Variants in PLD5 observed in about 807,000 individuals in gnomAD.
PLD5 encodes the protein inactive phospholipase D5.
Under a neutral mutation model 61.1 loss-of-function variants are expected in PLD5, and 36 were observed. The ratio of observed to expected loss-of-function variants is 0.59; its 90% CI spans 0.45 to 0.78. The LOEUF (loss-of-function observed/expected upper bound fraction) is 0.78, where lower values mean the gene tolerates loss of function less well. PLD5 is among the 30% of genes least tolerant of loss of function. The probability of loss-of-function intolerance (pLI) is 0.00; values close to 1 mark genes in which losing one functional copy is unlikely to be tolerated. For missense variants in PLD5, 515 were observed against 644.4 expected, an observed-to-expected ratio of 0.80 and a Z score of 2.17; for synonymous variants, 243 against 242.8, an observed-to-expected ratio of 1.00 and a Z score of -0.01.
chr1:242,434,200 C>T (rs925300424), intron 1 of PLD5, among the ~76,000 whole-genome samples: 1 of 152,146 alleles, frequency 6.6e-6, no homozygotes, highest in Non-Finnish European at 1.5e-5. Context: ...CATGGACCAG[C>T]GTCGGTAGAA....
intron 4 of PLD5, among the ~76,000 whole-genome samples, chr1:242,252,267 T>C (rs921882960): frequency 6.6e-6 from 1 of 152,234 alleles, no homozygotes; most frequent in Middle Eastern, 3.2e-3. Flanking sequence ...GCATCTTAAC[T>C]CACACCAGTT....
Position 242,519,559 on chromosome 1 carries a change from G to A in PLD5, c.189+4529C>T, listed in dbSNP as rs191887189. 1.8e-3 allele frequency among the ~76,000 whole-genome samples: 280 copies of A among 152,286 alleles called. 1 individual carries two copies. The highest frequency in any genetic ancestry group is 5.7e-3 in the African/African-American group (239 of 41,566). On this transcript the variant is annotated intron_variant, in intron 1 of 9. Coordinates refer to ENST00000536534, the MANE Select transcript of PLD5 (RefSeq NM_001372062.1). ...AATGGGCTTTCTGAGACATCCTGCCGATAAATGAAATGTTGCTTGACTTAA... is the reference window on the plus strand; with the variant it reads ...AATGGGCTTTCTGAGACATCCTGCCAATAAATGAAATGTTGCTTGACTTAA...
intron 1 of PLD5, among the ~76,000 whole-genome samples, chr1:242,485,232 T>G (rs1667916587): frequency 6.6e-6 from 1 of 152,104 alleles, no homozygotes; most frequent in Admixed American, 6.5e-5. Flanking sequence ...GAGAAAGAAA[T>G]AAAGGGTATT....
chr1:242,291,662 C>T (rs1388264862), intron 2 of PLD5, among the ~76,000 whole-genome samples: 1 of 151,882 alleles, frequency 6.6e-6, no homozygotes, highest in East Asian at 1.9e-4. Flanking sequence ...AAAAATTAGC[C>T]AGGCGTGGTG....
intron 6 of PLD5, among the ~76,000 whole-genome samples, chr1:242,123,875 G>A (rs975583391): frequency 6.6e-6 from 1 of 152,172 alleles, no homozygotes; most frequent in African/African-American, 2.4e-5. Flanking sequence ...GAGGGTGGGT[G>A]GAGGGTGTGG....
rs993041953 is a variant in PLD5, at chr1:242,089,319, C to A, written c.*535G>T. The A allele has an allele frequency of 5.0e-6, 2 of 399,748 alleles. No homozygotes were observed. Among genetic ancestry groups the A allele is most frequent in the Non-Finnish European group, 8.8e-6 (2 of 226,936 alleles). 24.8% of individuals were successfully genotyped at this position (399,748 alleles called of 1,614,324 possible). A position where few individuals can be genotyped will look rare whatever the true frequency, so the allele number is the denominator to read the frequency against. ...TGGTATAAGAAGAAAATGAGCAAGA[C>A]AGAAAAGGATATTTTTCAAGGGTGT... On this transcript the variant is annotated 3_prime_UTR_variant, in exon 10 of 10. Coordinates refer to ENST00000536534, the MANE Select transcript of PLD5 (RefSeq NM_001372062.1).
At chr1:242,131,810 C>T (rs1663276460) in intron 5 of PLD5, among the ~76,000 whole-genome samples, 1 of 149,256 alleles carries the variant, frequency 6.7e-6, no homozygotes, top group African/African-American at 2.5e-5. Context: ...CGTAATTACA[C>T]CAGAAAAGTA....
chr1:242,107,263 C>T lies in PLD5; in HGVS notation c.1239+408G>A, dbSNP rs1008101906. On this transcript the variant is annotated intron_variant, in intron 8 of 9. Coordinates refer to ENST00000536534, the MANE Select transcript of PLD5 (RefSeq NM_001372062.1). ...GGCCAAGGTGGGCAGATTGCTTGAG[C>T]CCAGGAGCTCAGGACCAGCCTGGGC... Among the ~76,000 whole-genome samples, 6 of 152,138 alleles carry T rather than the reference C, an allele frequency of 3.9e-5. No homozygotes were observed. The East Asian group carries it at 1.2e-3, about 30-fold the overall frequency.
intron 3 of PLD5, among the ~76,000 whole-genome samples, chr1:242,268,856 C>T (rs1209521436): frequency 6.6e-6 from 1 of 151,984 alleles, no homozygotes; most frequent in Non-Finnish European, 1.5e-5. Flanking sequence ...TTAATTTTAA[C>T]TTTTGAGATG....
chr1:242,403,384 C>T (rs755925320), intron 1 of PLD5, among the ~76,000 whole-genome samples: 1 of 152,108 alleles, frequency 6.6e-6, no homozygotes. Context: ...ATTGGGGGGT[C>T]ATCAATACCT....
At chr1:242,092,928 C>T (rs1205483072) in intron 9 of PLD5, among the ~76,000 whole-genome samples, 3 of 152,132 alleles carry the variant, frequency 2.0e-5, no homozygotes, top group Admixed American at 6.5e-5. Flanking sequence ...AACACCAAGT[C>T]CCTAAACCAA....
rs1193439336 is a variant in PLD5 at position 242,370,772 on chromosome 1, CCCTAT to C, written c.190-22535_190-22531del. On this transcript the variant is annotated intron_variant, in intron 1 of 9. Coordinates refer to ENST00000536534, the MANE Select transcript of PLD5 (RefSeq NM_001372062.1). ...CGCTTTCATGTTCTCTATCCCCCTCCCCTATATTATAGATAAAAGTGAAAAAAATG... is the reference window on the plus strand; with the variant it reads ...CGCTTTCATGTTCTCTATCCCCCTCCATTATAGATAAAAGTGAAAAAAATG... 3.3e-5 allele frequency among the ~76,000 whole-genome samples: 5 copies of C among 152,264 alleles called. No individual in the cohort carries two copies. In the East Asian group the frequency reaches 9.7e-4, roughly 29 times the overall value.
chr1:242,203,639 T>A (rs2148961621), intron 5 of PLD5: 1 of 152,970 alleles, frequency 6.5e-6, no homozygotes, highest in Non-Finnish European at 1.5e-5. Flanking sequence ...CTCTTGCCAC[T>A]GATGTGCCTG....
intron 1 of PLD5, among the ~76,000 whole-genome samples, chr1:242,494,089 CCT>C (rs1668276156): frequency 1.8e-4 from 20 of 113,108 alleles, no homozygotes; most frequent in African/African-American, 3.6e-4. Flanking sequence ...CCCTGCCCTC[CCT>C]TCCCCTCTCC....
intron 5 of PLD5, among the ~76,000 whole-genome samples, chr1:242,140,229 T>C (rs1402812603): frequency 6.6e-6 from 1 of 152,238 alleles, no homozygotes; most frequent in Non-Finnish European, 1.5e-5. Context: ...CCTACATAGA[T>C]AACCCCTCAT....
In PLD5 at chr1:242,115,679, T is replaced by C. The variant is rs115382568; in HGVS notation, c.934-1653A>G. 6.5e-3 allele frequency among the ~76,000 whole-genome samples: 911 copies of C among 139,502 alleles called. 13 individuals carry two copies. Among genetic ancestry groups the C allele is most frequent in the African/African-American group, 0.025 (858 of 34,882 alleles). 91.5% of individuals were successfully genotyped at this position (139,502 alleles called of 152,430 possible). A position where few individuals can be genotyped will look rare whatever the true frequency, so the allele number is the denominator to read the frequency against. ...TCTAAAAAAAAAAAAATCTTGGAGT[T>C]TTTTTCTTTTCTCCAAAATCTTTCA... On this transcript the variant is annotated intron_variant, in intron 6 of 9. Coordinates refer to ENST00000536534, the MANE Select transcript of PLD5 (RefSeq NM_001372062.1).
chr1:242,236,331 G>A (rs1304009738), intron 4 of PLD5, among the ~76,000 whole-genome samples: 1 of 152,072 alleles, frequency 6.6e-6, no homozygotes, highest in African/African-American at 2.4e-5. Context: ...TGCTTCCAAG[G>A]GCTCCCAATC....
At chr1:242,389,454 G>T (rs1404120777) in intron 1 of PLD5, among the ~76,000 whole-genome samples, 4 of 151,960 alleles carry the variant, frequency 2.6e-5, no homozygotes, top group Admixed American at 1.3e-4. Flanking sequence ...ACTCTGTTTA[G>T]ATAATATTTA....
intron 5 of PLD5, among the ~76,000 whole-genome samples, chr1:242,175,525 T>C (rs931337477): frequency 2.6e-5 from 4 of 152,202 alleles, no homozygotes; most frequent in African/African-American, 9.6e-5. Context: ...AGCATTCCCT[T>C]TGAAAACCAG....
Sources: allele counts gnomAD v4.1 joint callset (sites outside exome capture counted in the v4.1 genomes callset), GRCh38; gene constraint gnomAD v4.1.1; transcripts MANE v1.5; gene names NCBI Gene and HGNC (gene_info 2026-07-23, HGNC 2026-07-21).